GALNT16: variants seen among roughly 807,000 people sequenced by gnomAD.
The protein encoded by GALNT16 is polypeptide N-acetylgalactosaminyltransferase 16.
A neutral mutation model predicts 76.1 loss-of-function variants in GALNT16; 40 were observed. The observed-to-expected ratio is 0.53, with a 90% confidence interval of 0.41 to 0.68. The LOEUF (loss-of-function observed/expected upper bound fraction) is 0.68. Among genes scored for constraint, GALNT16 ranks in the 30% least tolerant of loss-of-function variants. GALNT16 has a pLI of 0.00. For synonymous variants in GALNT16, 276 were observed against 285.2 expected, an observed-to-expected ratio of 0.97 and a Z score of 0.32; for missense variants, 621 against 731.9, an observed-to-expected ratio of 0.85 and a Z score of 1.75.
chr14:69,328,217 TG>T (rs1473928001), intron 5 of GALNT16, among the ~76,000 whole-genome samples: 1 of 152,120 alleles, frequency 6.6e-6, no homozygotes, highest in Non-Finnish European at 1.5e-5. Context: ...AGACAGTGAC[TG>T]GCACATAGAG....
At chr14:69,348,333 T>C (rs2045593347) in intron 14 of GALNT16, 1 of 517,232 alleles carries the variant, frequency 1.9e-6, no homozygotes, top group Non-Finnish European at 3.4e-6. Context: ...CAGTCTGTGC[T>C]AGAAGTTTGA....
chr14:69,360,510 C>A (rs1222181385), downstream of GALNT16, among the ~76,000 whole-genome samples: 1 of 151,738 alleles, frequency 6.6e-6, no homozygotes, highest in Non-Finnish European at 1.5e-5. Context: ...TGCCTGTAGT[C>A]CCAGCTATCT....
the GALNT16 span, among the ~76,000 whole-genome samples, chr14:69,364,291 A>G: frequency 1.3e-5 from 2 of 152,222 alleles, no homozygotes; most frequent in Non-Finnish European, 2.9e-5. This position sits in a 1 kb window ranked among gnomAD's most constrained non-coding sequence, Gnocchi z 4.2. Flanking sequence ...TGACCCACTG[A>G]AAATTCTTTT....
At position 69,354,464 on chromosome 14, in the gene GALNT16, G is replaced by A. The variant is rs2045675548; in HGVS notation, c.*2296G>A. 6.5e-6 allele frequency: 1 copy of A among 152,734 alleles called. No individual in the cohort carries two copies. The highest frequency in any genetic ancestry group is 2.4e-5 in the African/African-American group (1 of 41,444). The allele number at this position is 152,734 out of a possible 1,614,324, so 9.5% of individuals were successfully genotyped here. ...CCTGGAATAAAACCACTTCTTACAT[G>A]TCCACATGCACCAGCGCCTTCCTTT... On this transcript the variant is annotated 3_prime_UTR_variant, in exon 15 of 15. Transcript: ENST00000448469.
Position 69,292,435 on chromosome 14 carries a change from C to T in GALNT16, c.178-28276C>T, listed in dbSNP as rs543580943. Among the ~76,000 whole-genome samples the T allele has an allele frequency of 1.4e-4, 21 of 152,338 alleles. No individual in the cohort carries two copies. The South Asian group carries it at 4.4e-3, about 32-fold the overall frequency. The stretch of plus-strand genomic sequence containing the variant: ...CTAGGAGAGGAGCCTGAGGCCAATG[C>T]AGGCAGGGCAGGGAATGGGAGTGCC... On this transcript the variant is annotated intron_variant, in intron 1 of 14. Coordinates refer to ENST00000448469, the MANE Select transcript of GALNT16 (RefSeq NM_001168368.2).
intron 1 of GALNT16, among the ~76,000 whole-genome samples, chr14:69,274,880 C>T (rs2044451491): frequency 6.6e-6 from 1 of 152,180 alleles, no homozygotes; most frequent in South Asian, 2.1e-4. Flanking sequence ...ACATCAGAAC[C>T]TGACTCAGAG....
intron 14 of GALNT16, chr14:69,351,722 G>T: frequency 4.2e-6 from 1 of 239,034 alleles, no homozygotes; most frequent in Non-Finnish European, 8.2e-6. Flanking sequence ...AGACCAGCCT[G>T]GGCAACATAG....
chr14:69,335,822 GT>G (rs1019307126), intron 9 of GALNT16, among the ~76,000 whole-genome samples: 25 of 152,268 alleles, frequency 1.6e-4, no homozygotes, highest in African/African-American at 5.5e-4. Flanking sequence ...ACCAAGACGT[GT>G]TCTTTTGTCC....
At chr14:69,334,842 G>T (rs563788928) in intron 9 of GALNT16, among the ~76,000 whole-genome samples, 1 of 152,110 alleles carries the variant, frequency 6.6e-6, no homozygotes, top group African/African-American at 2.4e-5. Context: ...ACGTGGAGAC[G>T]GGGGCGGTGG....
At chr14:69,313,395 G>A (rs1463349341) in intron 1 of GALNT16, among the ~76,000 whole-genome samples, 2 of 152,254 alleles carry the variant, frequency 1.3e-5, no homozygotes, top group Non-Finnish European at 2.9e-5. Flanking sequence ...GGGGAGCCTG[G>A]TGGACCTGGA....
chr14:69,281,343 T>C (rs1163133465), intron 1 of GALNT16, among the ~76,000 whole-genome samples: 3 of 152,194 alleles, frequency 2.0e-5, no homozygotes, highest in African/African-American at 7.2e-5. Context: ...GTCACAGTGC[T>C]AGGATATACA....
downstream of GALNT16, among the ~76,000 whole-genome samples, chr14:69,360,471 T>C (rs768317927): frequency 6.6e-6 from 1 of 150,440 alleles, no homozygotes; most frequent in Non-Finnish European, 1.5e-5. Context: ...CTACTAAAAA[T>C]ACAAAAATGA....
At chr14:69,370,434 G>T in the GALNT16 span, among the ~76,000 whole-genome samples, 3 of 152,358 alleles carry the variant, frequency 2.0e-5, no homozygotes, top group East Asian at 5.8e-4. Flanking sequence ...AAAGCCCTAT[G>T]GAGGAGTAAG....
chr14:69,286,635 A>C (rs1316711333), intron 1 of GALNT16, among the ~76,000 whole-genome samples: 3 of 151,994 alleles, frequency 2.0e-5, no homozygotes, highest in African/African-American at 7.3e-5. Context: ...TTTTACACAC[A>C]CATAACTCCT....
rs747312751 is a variant in GALNT16, at chr14:69,352,137, C to T, written c.1646C>T (p.Ala549Val). Reference protein sequence around the residue: ...VTSKCQADAQAQQWQLLPHT With the variant: ...VTSKCQADAQVQQWQLLPHT ...AGCAAGTGTCAGGCTGACGCCCAGGCCCAGCAGTGGCAGCTGTTGCCACAC... is the reference window on the plus strand; with the variant it reads ...AGCAAGTGTCAGGCTGACGCCCAGGTCCAGCAGTGGCAGCTGTTGCCACAC... Residue 549 changes from alanine to valine, a missense_variant, in exon 15 of 15, where the codon GCC (alanine) becomes GTC (valine). Ala to Val is a moderately conservative substitution (Grantham distance 64). Transcript: ENST00000448469. 1 of 1,613,118 alleles carries T rather than the reference C, an allele frequency of 6.2e-7. No individual in the cohort carries two copies. The highest frequency in any genetic ancestry group is 2.2e-5 in the East Asian group (1 of 44,856).
At chr14:69,307,771 C>T (rs1007644328) in intron 1 of GALNT16, among the ~76,000 whole-genome samples, 11 of 152,106 alleles carry the variant, frequency 7.2e-5, no homozygotes, top group African/African-American at 4.8e-5. Flanking sequence ...ATGGTCAAGA[C>T]GGAAAAGGAA....
In GALNT16 at chr14:69,331,604, G is replaced by A. The variant is rs2045354049; in HGVS notation, c.778+53G>A. The A allele has an allele frequency of 1.2e-5, 12 of 1,025,492 alleles. No homozygotes were observed. The Admixed American group carries it at 1.2e-4, about 10-fold the overall frequency. 63.5% of individuals were successfully genotyped at this position (1,025,492 alleles called of 1,614,324 possible). ...GTAGACATGAAAGGAGGTAGGTGAGGCTAGGCAGGCAAAAACCCTTGCTTG... is the reference window on the plus strand; with the variant it reads ...GTAGACATGAAAGGAGGTAGGTGAGACTAGGCAGGCAAAAACCCTTGCTTG... On this transcript the variant is annotated intron_variant, in intron 7 of 14. Transcript: ENST00000448469.
intron 12 of GALNT16, among the ~76,000 whole-genome samples, chr14:69,343,125 A>G (rs1426554467): frequency 1.3e-5 from 2 of 152,214 alleles, no homozygotes; most frequent in African/African-American, 2.4e-5. Context: ...GTACGCCTCA[A>G]TCATGTCTAA....
At chr14:69,364,111 G>A in the GALNT16 span, among the ~76,000 whole-genome samples, 1 of 152,218 alleles carries the variant, frequency 6.6e-6, no homozygotes, top group African/African-American at 2.4e-5. This position sits in a 1 kb window ranked among gnomAD's most constrained non-coding sequence, Gnocchi z 4.2. Context: ...CATGGTGGGT[G>A]CTTGCAGTAA....
Sources: gnomAD v4.1 joint callset for allele counts (sites outside exome capture counted in the v4.1 genomes callset) on GRCh38, gnomAD v4.1.1 for gene constraint, Gnocchi (gnomAD v3.1) non-coding constraint, MANE v1.5 for transcripts, NCBI Gene and HGNC (gene_info 2026-07-23, HGNC 2026-07-21) for gene names.